The following FRMD6 variants were observed in gnomAD, a reference collection of about 807,000 sequenced individuals.
FRMD6 encodes FERM domain-containing protein 6.
FRMD6 carries 37 observed loss-of-function variants against 73.2 expected under a neutral mutation model. The ratio of observed to expected loss-of-function variants is 0.51; its 90% CI spans 0.39 to 0.66. FRMD6 has a LOEUF of 0.66. Ranked by LOEUF, FRMD6 falls within the 30% of genes least tolerant of loss-of-function variation. FRMD6 has a pLI of 0.00. For missense variants in FRMD6, 714 were observed against 780.5 expected, an observed-to-expected ratio of 0.91 and a Z score of 1.02; for synonymous variants, 273 against 282.2, an observed-to-expected ratio of 0.97 and a Z score of 0.33.
the FRMD6 span, among the ~76,000 whole-genome samples, chr14:51,469,486 C>A: frequency 6.6e-6 from 1 of 150,590 alleles, no homozygotes; most frequent in Non-Finnish European, 1.5e-5. Flanking sequence ...GGTGGCAGGC[C>A]CCTGTAGTCC....
rs543659723 is a variant in FRMD6, at chr14:51,629,721, G to C, written c.-147+59311G>C. Among the ~76,000 whole-genome samples, 32 of 152,276 alleles carry C rather than the reference G, an allele frequency of 2.1e-4. No homozygotes were observed. The South Asian group carries it at 6.4e-3, about 31-fold the overall frequency. On this transcript the variant is annotated intron_variant, in intron 2 of 14. Transcript: ENST00000356218. Reference sequence around the variant, plus strand: ...GCACTTGATATGGGCAGGCACCCAGGCTCTGTGCTGACTAGCAGTTTTCTT... The same window carrying C: ...GCACTTGATATGGGCAGGCACCCAGCCTCTGTGCTGACTAGCAGTTTTCTT...
At chr14:51,544,560 A>G (rs1473788978) in intron 1 of FRMD6, among the ~76,000 whole-genome samples, 1 of 152,018 alleles carries the variant, frequency 6.6e-6, no homozygotes, top group Non-Finnish European at 1.5e-5. Flanking sequence ...TTTTTACTCA[A>G]TAATAATTCC....
At chr14:51,696,397 A>G (rs1159809446) in intron 2 of FRMD6, among the ~76,000 whole-genome samples, 1 of 150,990 alleles carries the variant, frequency 6.6e-6, no homozygotes, top group Non-Finnish European at 1.5e-5. Context: ...ATTTGTAATA[A>G]TAATACAAAT....
intron 1 of FRMD6, among the ~76,000 whole-genome samples, chr14:51,659,707 TA>T (rs1338696053): frequency 2.6e-5 from 4 of 152,346 alleles, no homozygotes; most frequent in Non-Finnish European, 4.4e-5. Flanking sequence ...AAAGTTCTTT[TA>T]AAGAGTACCA....
chr14:51,724,993 C>G (rs1278736847), intron 12 of FRMD6, among the ~76,000 whole-genome samples: 1 of 152,092 alleles, frequency 6.6e-6, no homozygotes, highest in Non-Finnish European at 1.5e-5. Flanking sequence ...GTTAGGTGCT[C>G]TGTTGTTCTC....
chr14:51,631,342 G>A (rs1260630983), intron 2 of FRMD6, among the ~76,000 whole-genome samples: 3 of 152,188 alleles, frequency 2.0e-5, no homozygotes, highest in African/African-American at 7.2e-5. Context: ...AGATTCCACA[G>A]TGAATGCCTC....
intron 10 of FRMD6, among the ~76,000 whole-genome samples, chr14:51,716,102 C>G (rs1004120616): frequency 2.6e-5 from 4 of 152,094 alleles, no homozygotes; most frequent in African/African-American, 9.7e-5. Context: ...TGTCTGGGGC[C>G]TCAGAGTACT....
the FRMD6 span, among the ~76,000 whole-genome samples, chr14:51,462,850 A>G: frequency 1.3e-5 from 2 of 152,134 alleles, no homozygotes; most frequent in Non-Finnish European, 2.9e-5. Flanking sequence ...ACAGATGAAG[A>G]AATGAACTAA....
At chr14:51,524,534 G>C (rs1298466290) in intron 1 of FRMD6, among the ~76,000 whole-genome samples, 1 of 149,602 alleles carries the variant, frequency 6.7e-6, no homozygotes, top group Non-Finnish European at 1.5e-5. Flanking sequence ...TTATTTTTAT[G>C]ACGGGGGGGG....
At chr14:51,669,081 G>A (rs1236093835) in intron 1 of FRMD6, among the ~76,000 whole-genome samples, 5 of 152,168 alleles carry the variant, frequency 3.3e-5, no homozygotes, top group African/African-American at 4.8e-5. Context: ...CCAGCACTGC[G>A]GTCAAGATAC....
chr14:51,549,941 G>T (rs1312451560), intron 1 of FRMD6, among the ~76,000 whole-genome samples: 2 of 152,186 alleles, frequency 1.3e-5, no homozygotes, highest in Non-Finnish European at 2.9e-5. Flanking sequence ...CTGCAACATT[G>T]ACTCCCCTGC....
Position 51,538,433 on chromosome 14 carries a change from T to C in FRMD6, c.-209-31915T>C, listed in dbSNP as rs557197543. ...TCCATTTATCAATTCTTTTCCTTTGTCACATGTGAATTTGGTGTCATAGCT... is the reference window on the plus strand; with the variant it reads ...TCCATTTATCAATTCTTTTCCTTTGCCACATGTGAATTTGGTGTCATAGCT... On this transcript the variant is annotated intron_variant, in intron 1 of 14. Coordinates refer to the FRMD6 transcript ENST00000356218. Among the ~76,000 whole-genome samples, 4 of 152,292 alleles carry C rather than the reference T, an allele frequency of 2.6e-5. No homozygotes were observed. The South Asian group carries it at 8.3e-4, about 32-fold the overall frequency.
At chr14:51,442,132 A>G in the FRMD6 span, among the ~76,000 whole-genome samples, 1 of 152,184 alleles carries the variant, frequency 6.6e-6, no homozygotes, top group Non-Finnish European at 1.5e-5. Context: ...TGTTTCTCAT[A>G]TATTTCAAAA....
rs79874547 is a variant in FRMD6, at chr14:51,724,374, A to C, written c.1493-1405A>C. Among the ~76,000 whole-genome samples, 407 of 152,344 alleles carry C rather than the reference A, an allele frequency of 2.7e-3. 3 individuals are homozygous for C. In the East Asian group the frequency reaches 0.038, roughly 14 times the overall value. ...AGTTTGGAGAATACTCTTTACAGGC[A>C]TGATAGCTGAGGGCACATTTACCAG... On this transcript the variant is annotated intron_variant, in intron 12 of 13. Transcript: ENST00000344768.
At chr14:51,425,258 A>C in the FRMD6 span, among the ~76,000 whole-genome samples, 2 of 152,096 alleles carry the variant, frequency 1.3e-5, no homozygotes, top group Admixed American at 1.3e-4. Context: ...CTCGTCCTTG[A>C]GCCCCTGAAG....
At chr14:51,581,698 C>A (rs1888734324) in intron 2 of FRMD6, among the ~76,000 whole-genome samples, 1 of 152,212 alleles carries the variant, frequency 6.6e-6, no homozygotes, top group Admixed American at 6.5e-5. Context: ...TCTCCAGATA[C>A]TTGCCGAATT....
chr14:51,521,614 A>T (rs1475351370), intron 1 of FRMD6, among the ~76,000 whole-genome samples: 1 of 152,096 alleles, frequency 6.6e-6, no homozygotes, highest in East Asian at 1.9e-4. Flanking sequence ...GAAGAGAAGC[A>T]TGCATTGCTT....
chr14:51,670,036 A>G (rs1893887173), intron 1 of FRMD6, among the ~76,000 whole-genome samples: 1 of 152,112 alleles, frequency 6.6e-6, no homozygotes, highest in Admixed American at 6.6e-5. Context: ...TACCGAAAAA[A>G]AAAAGTCCCT....
chr14:51,617,592 T>C (rs2145449), intron 2 of FRMD6, among the ~76,000 whole-genome samples: 72,371 of 151,982 alleles, frequency 0.48, 17,303 homozygotes, highest in South Asian at 0.52. Flanking sequence ...TAGTTTGTAC[T>C]TCCATTTCCT....
Sources: allele counts gnomAD v4.1 joint callset (sites outside exome capture counted in the v4.1 genomes callset), GRCh38; gene constraint gnomAD v4.1.1; transcripts MANE v1.5; gene names NCBI Gene and HGNC (gene_info 2026-07-23, HGNC 2026-07-21).